Variants in CWF19L2 observed in about 807,000 individuals in gnomAD.
The protein encoded by CWF19L2 is CWF19-like protein 2.
CWF19L2 carries 98 observed loss-of-function variants against 111.7 expected under a neutral mutation model. The ratio of observed to expected loss-of-function variants is 0.88; its 90% CI spans 0.75 to 1.04. The LOEUF is 1.04. Among genes scored for constraint, CWF19L2 ranks in the 50% least tolerant of loss-of-function variants. The pLI, the probability that CWF19L2 is intolerant of heterozygous loss-of-function variation, is 0.00. For missense variants in CWF19L2, 1,101 were observed against 1,051.4 expected (o/e 1.05, Z -0.65); for synonymous variants, 351 against 342.9 (o/e 1.02, Z -0.26).
At chr11:107,336,483 A>ATAGG in intron 15 of CWF19L2, 75 bp downstream of exon 15, 1 of 1,190,534 alleles carries the variant, frequency 8.4e-7, no homozygotes, top group South Asian at 1.4e-5. Context: ...AAAATATGTT[A>ATAGG]ATAAAGACAA....
At chr11:107,347,979 T>A (rs1350606656) in intron 14 of CWF19L2, among the ~76,000 whole-genome samples, 1 of 152,126 alleles carries the variant, frequency 6.6e-6, no homozygotes, top group South Asian at 2.1e-4. Context: ...TTCCATACTT[T>A]CCACCTTAAA....
chr11:107,380,161 A>C (rs1391781937), intron 12 of CWF19L2, among the ~76,000 whole-genome samples: 1 of 151,984 alleles, frequency 6.6e-6, no homozygotes, highest in African/African-American at 2.4e-5. Context: ...GTTTGCAATG[A>C]ATCTATTTAA....
chr11:107,395,658 G>C (rs1350001824), intron 10 of CWF19L2, among the ~76,000 whole-genome samples: 1 of 152,046 alleles, frequency 6.6e-6, no homozygotes, highest in Non-Finnish European at 1.5e-5. Flanking sequence ...GATTTTTCTA[G>C]TTCCTTGTAA....
At chr11:107,342,309 C>T (rs1860016202) in intron 14 of CWF19L2, among the ~76,000 whole-genome samples, 2 of 151,336 alleles carry the variant, frequency 1.3e-5, no homozygotes, top group African/African-American at 2.4e-5. Flanking sequence ...TTGAATAATA[C>T]ACTATTGAAG....
At position 107,433,670 on chromosome 11, in the gene CWF19L2, A is replaced by G; in HGVS notation, c.744T>C (p.Ser248=). 1 of 1,587,162 alleles carries G rather than the reference A, an allele frequency of 6.3e-7. No homozygotes were observed. The highest frequency in any genetic ancestry group is 8.6e-7 in the Non-Finnish European group (1 of 1,165,532). The change falls in exon 7 of 18, where the codon AGT becomes AGC. Residue 248 remains serine, a synonymous_variant. Transcript: ENST00000282251. ...LRMKEQAEKQ[S]RNFEDIVAER... The stretch of plus-strand genomic sequence containing the variant: ...CGGCTACAATGTCCTCAAAGTTTCT[A>G]CTTTGTTTCTCAGCTTGTTCCTTCA...
At chr11:107,356,786 C>T (rs1453452877) in intron 12 of CWF19L2, among the ~76,000 whole-genome samples, 1 of 152,064 alleles carries the variant, frequency 6.6e-6, no homozygotes, top group Admixed American at 6.6e-5. Context: ...GCCTGTAATC[C>T]CAGCATTTTG....
Position 107,428,788 on chromosome 11 carries a change from T to C in CWF19L2, c.1433+11A>G, listed in dbSNP as rs1250925825. The C allele has an allele frequency of 1.3e-6, 2 of 1,583,658 alleles. No individual in the cohort carries two copies. The highest frequency in any genetic ancestry group is 1.7e-6 in the Non-Finnish European group (2 of 1,167,250). ...GATCTTAACTTATTAGGTTAAAAAATGATAAAATACCCAGCAAATGTAGAC... is the reference window on the plus strand; with the variant it reads ...GATCTTAACTTATTAGGTTAAAAAACGATAAAATACCCAGCAAATGTAGAC... On this transcript the variant is annotated intron_variant, in intron 8 of 17. Transcript: ENST00000282251.
chr11:107,391,222 C>A (rs966483166), intron 11 of CWF19L2, among the ~76,000 whole-genome samples: 2 of 152,114 alleles, frequency 1.3e-5, no homozygotes, highest in African/African-American at 4.8e-5. Context: ...TTAATAAACT[C>A]CCCTTCATAT....
rs538110867 is a variant in CWF19L2 at position 107,367,832 on chromosome 11, A to C, written c.1873-14096T>G. ...CCCTAAAACTTAAAGTATAAAACAA[A>C]AAAAAAAGAAATGCTACTGATTTTT... On this transcript the variant is annotated intron_variant, in intron 12 of 17. Transcript: ENST00000282251. Among the ~76,000 whole-genome samples, 42 of 137,360 alleles carry C rather than the reference A, an allele frequency of 3.1e-4. 7 individuals are homozygous for C. The highest frequency in any genetic ancestry group is 1.2e-3 in the African/African-American group (41 of 34,496). 90.1% of individuals were successfully genotyped at this position (137,360 alleles called of 152,430 possible). A position where few individuals can be genotyped will look rare whatever the true frequency, so the allele number is the denominator to read the frequency against.
At chr11:107,334,416 T>C (rs1859891732) in intron 16 of CWF19L2, among the ~76,000 whole-genome samples, 2 of 152,246 alleles carry the variant, frequency 1.3e-5, no homozygotes, top group Non-Finnish European at 2.9e-5. Flanking sequence ...CTAACTCAAC[T>C]ACTATTTTAT....
chr11:107,453,571 T>C (rs1861809635), intron 3 of CWF19L2, among the ~76,000 whole-genome samples: 1 of 151,906 alleles, frequency 6.6e-6, no homozygotes, highest in Non-Finnish European at 1.5e-5. Context: ...ACTGTGTATC[T>C]GAGACTTGCT....
intron 10 of CWF19L2, among the ~76,000 whole-genome samples, chr11:107,398,817 C>T (rs1472652274): frequency 6.6e-6 from 1 of 152,196 alleles, no homozygotes; most frequent in Non-Finnish European, 1.5e-5. Context: ...GAAAACCCAT[C>T]AGATCAACAG....
chr11:107,457,637 G>A (rs2135435284), intron 1 of CWF19L2, 75 bp downstream of exon 1: 2 of 1,059,384 alleles, frequency 1.9e-6, no homozygotes, highest in Non-Finnish European at 2.9e-6. Flanking sequence ...AAGGGAAGGG[G>A]TGAGTGGGCT....
In CWF19L2 at chr11:107,429,196, T is replaced by C. The variant is rs143466020; in HGVS notation, c.1036A>G (p.Thr346Ala). ...CTTGGGTTAGATTCTCTTCTACACG[T>C]TTCTAAAGACCCAGGTCTCTTATCT... Reference protein sequence around the residue: ...EKDKRPGSLETCRRESNPRQN... With the variant: ...EKDKRPGSLEACRRESNPRQN... The change falls in exon 8 of 18, where the codon ACG becomes GCG. Residue 346 changes from threonine (T) to alanine (A), a missense_variant. Physicochemically the swap from Thr to Ala is moderately conservative, Grantham distance 58 (BLOSUM62 0). Coordinates refer to ENST00000282251, the MANE Select transcript of CWF19L2 (RefSeq NM_152434.3). The C allele has an allele frequency of 3.0e-5, 49 of 1,613,792 alleles. No individual in the cohort carries two copies. The African/African-American group carries it at 6.1e-4, about 20-fold the overall frequency.
At chr11:107,332,004 T>C (rs1322090715) in intron 16 of CWF19L2, among the ~76,000 whole-genome samples, 1 of 152,216 alleles carries the variant, frequency 6.6e-6, no homozygotes, top group East Asian at 1.9e-4. Flanking sequence ...TTAAAGGCAC[T>C]GACAGAATTA....
At chr11:107,327,460 T>A (rs1173028956) in intron 17 of CWF19L2, among the ~76,000 whole-genome samples, 1 of 152,228 alleles carries the variant, frequency 6.6e-6, no homozygotes, top group Non-Finnish European at 1.5e-5. Flanking sequence ...CCCAAGCTAA[T>A]GTTCTCTCTC....
chr11:107,329,785 C>A lies in CWF19L2; in HGVS notation c.2541+133G>T, dbSNP rs1475471411. 2.8e-5 allele frequency: 15 copies of A among 530,284 alleles called. No individual in the cohort carries two copies. In the Middle Eastern group the frequency reaches 1.9e-3, roughly 66 times the overall value. 32.8% of individuals were successfully genotyped at this position (530,284 alleles called of 1,614,324 possible). Reference sequence around the variant, plus strand: ...TTTTTATTAATAGTTGCTAGGTATTCCCTCTCTAAAAACTGGGTGGAGCAG... The same window carrying A: ...TTTTTATTAATAGTTGCTAGGTATTACCTCTCTAAAAACTGGGTGGAGCAG... On this transcript the variant is annotated intron_variant, in intron 17 of 17. Coordinates refer to ENST00000282251, the MANE Select transcript of CWF19L2 (RefSeq NM_152434.3).
chr11:107,435,417 A>G (rs1295807007), intron 6 of CWF19L2, among the ~76,000 whole-genome samples: 1 of 152,200 alleles, frequency 6.6e-6, no homozygotes, highest in Non-Finnish European at 1.5e-5. Flanking sequence ...TGTTTCTTCC[A>G]TAAAATTATC....
At position 107,436,816 on chromosome 11, in the gene CWF19L2, G is replaced by A. The variant is rs116244517; in HGVS notation, c.664+2274C>T. Among the ~76,000 whole-genome samples the A allele has an allele frequency of 8.8e-3, 1,341 of 152,120 alleles. 17 individuals carry two copies. Among genetic ancestry groups the A allele is most frequent in the African/African-American group, 0.031 (1,276 of 41,476 alleles). ...ACCTGGGTTCTAGTACTACTAACACGACTACCAGAAAAATTACCTGGCCAC... is the reference window on the plus strand; with the variant it reads ...ACCTGGGTTCTAGTACTACTAACACAACTACCAGAAAAATTACCTGGCCAC... On this transcript the variant is annotated intron_variant, in intron 6 of 17. Transcript: ENST00000282251.
Sources: gnomAD v4.1 joint callset for allele counts (sites outside exome capture counted in the v4.1 genomes callset) on GRCh38, gnomAD v4.1.1 for gene constraint, MANE v1.5 for transcripts, NCBI Gene and HGNC (gene_info 2026-07-23, HGNC 2026-07-21) for gene names.